The following LRRC4C variants were observed in gnomAD, a reference collection of about 807,000 sequenced individuals.
LRRC4C encodes the protein leucine rich repeat containing 4C.
LRRC4C carries 5 observed loss-of-function variants against 33.6 expected under a neutral mutation model. The ratio of observed to expected loss-of-function variants is 0.15; its 90% CI spans 0.08 to 0.31. The LOEUF (loss-of-function observed/expected upper bound fraction) is 0.31, where lower values mean the gene tolerates loss of function less well. Ranked by LOEUF, LRRC4C falls within the 10% of genes least tolerant of loss-of-function variation. The pLI, the probability that LRRC4C is intolerant of heterozygous loss-of-function variation, is 1.00. For synonymous variants in LRRC4C, 329 were observed against 302.0 expected, an observed-to-expected ratio of 1.09 and a Z score of -0.93; for missense variants, 560 against 796.7, an observed-to-expected ratio of 0.70 and a Z score of 3.58.
chr11:41,044,726 TGG>T (rs1239277207), intron 1 of LRRC4C, among the ~76,000 whole-genome samples: 1 of 152,130 alleles, frequency 6.6e-6, no homozygotes, highest in Non-Finnish European at 1.5e-5. Flanking sequence ...GATATACTAG[TGG>T]AGAAAACTGT....
chr11:41,267,031 C>G (rs999828148), intron 1 of LRRC4C, among the ~76,000 whole-genome samples: 1 of 152,096 alleles, frequency 6.6e-6, no homozygotes, highest in African/African-American at 2.4e-5. Context: ...TCATCATGGA[C>G]TGGGCTAGAC....
At chr11:41,311,769 A>G (rs1056053553) in intron 1 of LRRC4C, among the ~76,000 whole-genome samples, 2 of 152,234 alleles carry the variant, frequency 1.3e-5, no homozygotes, top group African/African-American at 4.8e-5. Flanking sequence ...AGCATGTAAG[A>G]TAAAGCTATA....
chr11:40,755,785 C>A (rs1319951065), intron 2 of LRRC4C, among the ~76,000 whole-genome samples: 1 of 152,030 alleles, frequency 6.6e-6, no homozygotes, highest in African/African-American at 2.4e-5. Flanking sequence ...TTTCAGAGTA[C>A]CGTATTTGGC....
At chr11:40,414,003 T>C (rs1316896765) in intron 3 of LRRC4C, among the ~76,000 whole-genome samples, 1 of 152,112 alleles carries the variant, frequency 6.6e-6, no homozygotes, top group East Asian at 1.9e-4. Context: ...TCATTTTGTG[T>C]CAATCTATTG....
chr11:40,392,726 A>G (rs950444556), intron 3 of LRRC4C, among the ~76,000 whole-genome samples: 2 of 152,178 alleles, frequency 1.3e-5, no homozygotes, highest in Non-Finnish European at 2.9e-5. Context: ...CTGAAGAAAT[A>G]TACTCAGAAG....
intron 2 of LRRC4C, among the ~76,000 whole-genome samples, chr11:40,670,164 G>A (rs1944018612): frequency 6.6e-6 from 1 of 152,170 alleles, no homozygotes; most frequent in African/African-American, 2.4e-5. Flanking sequence ...CTCAGGAGTG[G>A]AGAACATTAT....
At chr11:40,900,294 T>A (rs1169095590) in intron 2 of LRRC4C, among the ~76,000 whole-genome samples, 1 of 152,120 alleles carries the variant, frequency 6.6e-6, no homozygotes, top group African/African-American at 2.4e-5. Flanking sequence ...AACGTGCCCA[T>A]CAATTTCAAT....
At chr11:41,179,776 T>G (rs1209344925) in intron 1 of LRRC4C, among the ~76,000 whole-genome samples, 1 of 152,204 alleles carries the variant, frequency 6.6e-6, no homozygotes, top group Non-Finnish European at 1.5e-5. Context: ...ATTTTGACAT[T>G]AATTGGCTTT....
chr11:40,950,508 T>C (rs1958645702), intron 1 of LRRC4C, among the ~76,000 whole-genome samples: 1 of 152,082 alleles, frequency 6.6e-6, no homozygotes. Flanking sequence ...ATAATTATTA[T>C]TTTCACTTGC....
intron 2 of LRRC4C, among the ~76,000 whole-genome samples, chr11:40,824,898 T>G (rs1294933161): frequency 6.6e-6 from 1 of 151,924 alleles, no homozygotes. Flanking sequence ...AATATAAAAA[T>G]GCGGCTGTCA....
At chr11:41,135,558 C>T (rs555752856) in intron 1 of LRRC4C, among the ~76,000 whole-genome samples, 26 of 152,230 alleles carry the variant, frequency 1.7e-4, no homozygotes, top group Non-Finnish European at 3.1e-4. Context: ...ATCAGTGATA[C>T]CACACTATTG....
intron 1 of LRRC4C, among the ~76,000 whole-genome samples, chr11:41,228,724 T>C (rs1453103158): frequency 2.6e-5 from 4 of 152,196 alleles, no homozygotes; most frequent in Non-Finnish European, 1.5e-5. Context: ...ATTTCTCTTA[T>C]TTTCTGTAGT....
chr11:41,324,232 A>C (rs1188839863), intron 1 of LRRC4C, among the ~76,000 whole-genome samples: 1 of 152,150 alleles, frequency 6.6e-6, no homozygotes, highest in East Asian at 1.9e-4. Flanking sequence ...GGAGTTCAAG[A>C]CCAGCCTGAC....
At chr11:40,967,933 T>C (rs1851472910) in intron 1 of LRRC4C, among the ~76,000 whole-genome samples, 1 of 151,882 alleles carries the variant, frequency 6.6e-6, no homozygotes, top group African/African-American at 2.4e-5. Context: ...TGTTCCAGTG[T>C]AAGAAAAAAA....
intron 3 of LRRC4C, among the ~76,000 whole-genome samples, chr11:40,569,132 G>A (rs2135553239): frequency 6.6e-6 from 1 of 152,172 alleles, no homozygotes; most frequent in African/African-American, 2.4e-5. Context: ...GATGAGATAA[G>A]CTCTTGAAAA....
chr11:41,170,177 G>A (rs1944908745), intron 1 of LRRC4C, among the ~76,000 whole-genome samples: 2 of 152,012 alleles, frequency 1.3e-5, no homozygotes, highest in East Asian at 3.8e-4. Context: ...TTTTTATACT[G>A]CCCAAGGTAA....
intron 1 of LRRC4C, among the ~76,000 whole-genome samples, chr11:40,979,367 A>G (rs375267059): frequency 6.6e-6 from 1 of 152,224 alleles, no homozygotes; most frequent in African/African-American, 2.4e-5. Flanking sequence ...TCAATAAATT[A>G]ATGACTTAAT....
chr11:41,425,278 T>C (rs936390350), intron 1 of LRRC4C, among the ~76,000 whole-genome samples: 4 of 151,914 alleles, frequency 2.6e-5, no homozygotes, highest in Non-Finnish European at 5.9e-5. Context: ...AAAGCAGGAG[T>C]TCCCAGAGAG....
chr11:40,474,997 G>A (rs190611780), intron 3 of LRRC4C, among the ~76,000 whole-genome samples: 35 of 152,304 alleles, frequency 2.3e-4, no homozygotes, highest in Non-Finnish European at 3.8e-4. Context: ...CTTTTACACT[G>A]TTGGTGGGAG....
Sources: allele counts gnomAD v4.1 joint callset (sites outside exome capture counted in the v4.1 genomes callset), GRCh38; gene constraint gnomAD v4.1.1; transcripts MANE v1.5; gene names NCBI Gene and HGNC (gene_info 2026-07-23, HGNC 2026-07-21).